The following HIVEP3 variants were observed in gnomAD, a reference collection of about 807,000 sequenced individuals.
The protein encoded by HIVEP3 is transcription factor HIVEP3.
HIVEP3 carries 49 observed loss-of-function variants against 152.8 expected under a neutral mutation model. The ratio of observed to expected loss-of-function variants is 0.32; its 90% CI spans 0.26 to 0.41. The LOEUF is 0.41. Among genes scored for constraint, HIVEP3 ranks in the 10% least tolerant of loss-of-function variants. HIVEP3 has a pLI of 1.00. For missense variants in HIVEP3, 2,790 were observed against 3,103.3 expected, an observed-to-expected ratio of 0.90 and a Z score of 2.40; for synonymous variants, 1,269 against 1,289.0, an observed-to-expected ratio of 0.98 and a Z score of 0.33.
At chr1:41,984,349 C>T (rs910783692) in intron 1 of HIVEP3, among the ~76,000 whole-genome samples, 1 of 151,974 alleles carries the variant, frequency 6.6e-6, no homozygotes, top group Non-Finnish European at 1.5e-5. Flanking sequence ...GCAGACAATA[C>T]AGAAGGGCTA....
intron 1 of HIVEP3, among the ~76,000 whole-genome samples, chr1:41,793,352 C>G (rs1210964621): frequency 2.0e-5 from 3 of 152,212 alleles, no homozygotes; most frequent in Non-Finnish European, 2.9e-5. Context: ...AAAGGTCCTT[C>G]TCTTAATCTG....
chr1:41,764,574 G>A (rs1647893983), intron 1 of HIVEP3, among the ~76,000 whole-genome samples: 1 of 152,216 alleles, frequency 6.6e-6, no homozygotes, highest in Non-Finnish European at 1.5e-5. Flanking sequence ...ATAAGAGTCT[G>A]GGTGGTTGGT....
intron 1 of HIVEP3, among the ~76,000 whole-genome samples, chr1:41,771,953 C>A (rs1648401889): frequency 6.6e-6 from 1 of 152,190 alleles, no homozygotes; most frequent in African/African-American, 2.4e-5. Context: ...GCGTGAGCCA[C>A]CGCACCCAGT....
chr1:41,605,365 A>ACT, intron 3 of HIVEP3, among the ~76,000 whole-genome samples: 1 of 124,448 alleles, frequency 8.0e-6, no homozygotes, highest in South Asian at 2.7e-4. Flanking sequence ...ACATACACAC[A>ACT]CGCACACGCG....
intron 2 of HIVEP3, among the ~76,000 whole-genome samples, chr1:41,643,305 T>C (rs907975412): frequency 2.6e-5 from 4 of 152,228 alleles, no homozygotes; most frequent in African/African-American, 9.6e-5. Context: ...CATCCAGAGC[T>C]TTGGTGTAAC....
chr1:41,518,374 G>T (rs1558020762), intron 7 of HIVEP3, 28 bp downstream of exon 7: 1 of 1,585,134 alleles, frequency 6.3e-7, no homozygotes. Context: ...CAAGGGGAAA[G>T]GGGACGGAGA....
chr1:41,884,884 C>T (rs1644319800), intron 1 of HIVEP3, among the ~76,000 whole-genome samples: 1 of 146,158 alleles, frequency 6.8e-6, no homozygotes, highest in Non-Finnish European at 1.5e-5. Context: ...ACTCACCTTT[C>T]AAATTTAAAG....
At chr1:41,980,470 G>A (rs1369616484) in intron 1 of HIVEP3, among the ~76,000 whole-genome samples, 1 of 152,176 alleles carries the variant, frequency 6.6e-6, no homozygotes, top group Non-Finnish European at 1.5e-5. Context: ...CCTATTATAT[G>A]ACTCTATATG....
intron 1 of HIVEP3, among the ~76,000 whole-genome samples, chr1:41,868,143 T>A (rs1310187286): frequency 1.3e-5 from 2 of 151,604 alleles, no homozygotes; most frequent in Non-Finnish European, 2.9e-5. Context: ...CTTCCTACCC[T>A]GCTTTTCCTC....
intron 1 of HIVEP3, among the ~76,000 whole-genome samples, chr1:41,803,133 C>T (rs1650401851): frequency 6.6e-6 from 1 of 152,222 alleles, no homozygotes; most frequent in African/African-American, 2.4e-5. Context: ...CAGCAACAAC[C>T]ACCCATTTTG....
intron 1 of HIVEP3, among the ~76,000 whole-genome samples, chr1:41,850,189 C>T (rs1174214285): frequency 1.3e-5 from 2 of 152,078 alleles, no homozygotes; most frequent in Non-Finnish European, 2.9e-5. Flanking sequence ...GTCCAGAGAC[C>T]ACACTTTGAG....
intron 5 of HIVEP3, among the ~76,000 whole-genome samples, chr1:41,527,696 TCACA>T (rs576518621): frequency 3.6e-4 from 36 of 100,572 alleles, no homozygotes; most frequent in Non-Finnish European, 6.1e-4. Context: ...ATGCTCACCC[TCACA>T]CACCCCCACC....
chr1:41,602,774 A>T (rs2149125758), intron 3 of HIVEP3, among the ~76,000 whole-genome samples: 1 of 151,646 alleles, frequency 6.6e-6, no homozygotes, highest in Middle Eastern at 3.4e-3. Flanking sequence ...CTTGGCCTTA[A>T]TTTCTTTTTC....
At chr1:41,709,555 G>A (rs1646482770) in intron 1 of HIVEP3, among the ~76,000 whole-genome samples, 1 of 152,210 alleles carries the variant, frequency 6.6e-6, no homozygotes, top group African/African-American at 2.4e-5. Flanking sequence ...GTTTAGGGCA[G>A]GAAACCAGCC....
At chr1:41,710,976 A>G (rs1646504939) in intron 1 of HIVEP3, among the ~76,000 whole-genome samples, 1 of 152,248 alleles carries the variant, frequency 6.6e-6, no homozygotes, top group Non-Finnish European at 1.5e-5. Context: ...GGAGAAATCA[A>G]CCAGCTTGCT....
At chr1:41,853,590 A>T (rs1454964369) in intron 1 of HIVEP3, among the ~76,000 whole-genome samples, 1 of 152,210 alleles carries the variant, frequency 6.6e-6, no homozygotes, top group Non-Finnish European at 1.5e-5. Flanking sequence ...TTACAATTCA[A>T]GTGAGATTTT....
intron 1 of HIVEP3, among the ~76,000 whole-genome samples, chr1:42,017,577 C>A (rs192084072): frequency 1.3e-5 from 2 of 152,074 alleles, no homozygotes; most frequent in Non-Finnish European, 2.9e-5. Flanking sequence ...TTGTGACATA[C>A]GCCCATGTTT....
chr1:41,624,773 C>T (rs1409941179), intron 3 of HIVEP3, among the ~76,000 whole-genome samples: 1 of 152,156 alleles, frequency 6.6e-6, no homozygotes, highest in Non-Finnish European at 1.5e-5. Context: ...TCTACTCCTC[C>T]CCAAATGCCC....
At chr1:41,860,683 T>C (rs560994783) in intron 1 of HIVEP3, among the ~76,000 whole-genome samples, 1 of 152,364 alleles carries the variant, frequency 6.6e-6, no homozygotes, top group Admixed American at 6.5e-5. Context: ...ACATTTTCAC[T>C]AAGGGGATAT....
Sources: gnomAD v4.1 joint callset for allele counts (sites outside exome capture counted in the v4.1 genomes callset) on GRCh38, gnomAD v4.1.1 for gene constraint, MANE v1.5 for transcripts, NCBI Gene and HGNC (gene_info 2026-07-23, HGNC 2026-07-21) for gene names.